Variants in FBN2 observed in about 807,000 individuals in gnomAD.
The protein encoded by FBN2 is fibrillin 2.
In FBN2, 105 loss-of-function variants were observed where a neutral mutation model predicts 355.6. That is an observed-to-expected ratio of 0.30 (90% CI 0.25 to 0.35). The LOEUF (loss-of-function observed/expected upper bound fraction) is 0.35, where lower values mean the gene tolerates loss of function less well. Ranked by LOEUF, FBN2 falls within the 10% of genes least tolerant of loss-of-function variation. The pLI, the probability that FBN2 is intolerant of heterozygous loss-of-function variation, is 1.00. For missense variants in FBN2, 3,280 were observed against 3,758.7 expected (o/e 0.87, Z 3.33); for synonymous variants, 1,350 against 1,301.2 (o/e 1.04, Z -0.81).
intron 7 of FBN2, among the ~76,000 whole-genome samples, chr5:128,413,839 A>C (rs558080602): frequency 6.6e-6 from 1 of 152,178 alleles, no homozygotes; most frequent in Non-Finnish European, 1.5e-5. Context: ...AGAACTATAC[A>C]TATTTGGAAT....
intron 7 of FBN2, among the ~76,000 whole-genome samples, chr5:128,420,253 A>C (rs1277400784): frequency 6.6e-6 from 1 of 152,194 alleles, no homozygotes; most frequent in Non-Finnish European, 1.5e-5. Flanking sequence ...ATTTAATATG[A>C]ACCATTAGCC....
At chr5:128,277,192 GA>G (rs1346707382) in intron 58 of FBN2, among the ~76,000 whole-genome samples, 1 of 151,882 alleles carries the variant, frequency 6.6e-6, no homozygotes, top group African/African-American at 2.4e-5. Flanking sequence ...ATATAAAGGA[GA>G]AAAAAAATTT....
intron 41 of FBN2, among the ~76,000 whole-genome samples, chr5:128,307,671 T>A (rs1252214791): frequency 2.7e-5 from 4 of 149,350 alleles, no homozygotes; most frequent in African/African-American, 1.0e-4. Flanking sequence ...GCGAATTTTG[T>A]CTTTTTTTTT....
intron 7 of FBN2, among the ~76,000 whole-genome samples, chr5:128,445,654 T>C (rs1754044310): frequency 6.6e-6 from 1 of 152,198 alleles, no homozygotes; most frequent in Admixed American, 6.5e-5. Context: ...TATACTCTAT[T>C]GCCTTTAGAA....
At chr5:128,468,025 A>T (rs1199919857) in intron 5 of FBN2, among the ~76,000 whole-genome samples, 3 of 152,136 alleles carry the variant, frequency 2.0e-5, no homozygotes, top group Non-Finnish European at 4.4e-5. Flanking sequence ...GTTTTTAGTA[A>T]ATTTATTGAA....
rs1177471664 is a variant in FBN2, at chr5:128,280,137, C to T, written c.7138+55G>A. The T allele has an allele frequency of 1.0e-5, 15 of 1,462,178 alleles. No homozygotes were observed. The East Asian group carries it at 1.6e-4, about 16-fold the overall frequency. 90.6% of individuals were successfully genotyped at this position (1,462,178 alleles called of 1,614,324 possible). A position where few individuals can be genotyped will look rare whatever the true frequency, so the allele number is the denominator to read the frequency against. ...TATATGTGGAGCTCTTCTGTGATGACATCATGAACAGATGTTTTATCTACC... is the reference window on the plus strand; with the variant it reads ...TATATGTGGAGCTCTTCTGTGATGATATCATGAACAGATGTTTTATCTACC... On this transcript the variant is annotated intron_variant, in intron 56 of 64. Transcript: ENST00000262464.
At chr5:128,319,366 CTAAT>C (rs778577335) in intron 34 of FBN2, among the ~76,000 whole-genome samples, 28 of 151,770 alleles carry the variant, frequency 1.8e-4, no homozygotes, top group East Asian at 9.7e-4. Flanking sequence ...AAGATTCTAA[CTAAT>C]TAGTGCAAAC....
At chr5:128,259,942 T>G in intron 64 of FBN2, 113 bp from the exon 65 acceptor site, 1 of 1,057,100 alleles carries the variant, frequency 9.5e-7, no homozygotes, top group Non-Finnish European at 1.4e-6. Context: ...GGCTTCCCAC[T>G]CCCGCTTTCT....
chr5:128,431,837 C>T (rs1028732720), intron 7 of FBN2, among the ~76,000 whole-genome samples: 3 of 152,166 alleles, frequency 2.0e-5, no homozygotes, highest in Non-Finnish European at 4.4e-5. Flanking sequence ...CATGGATATG[C>T]TGGACAGATG....
chr5:128,372,798 T>C (rs1048891558), intron 15 of FBN2, among the ~76,000 whole-genome samples: 2 of 152,124 alleles, frequency 1.3e-5, no homozygotes, highest in African/African-American at 4.8e-5. Flanking sequence ...GGCTAATTTT[T>C]GTACTTTTTG....
chr5:128,452,654 G>A (rs561583513), intron 6 of FBN2, among the ~76,000 whole-genome samples: 47 of 152,146 alleles, frequency 3.1e-4, no homozygotes, highest in Middle Eastern at 3.4e-3. Flanking sequence ...ATTTCATAGC[G>A]TGTTTTTTAA....
chr5:128,472,715 C>T (rs932638912), intron 5 of FBN2, among the ~76,000 whole-genome samples: 2 of 151,410 alleles, frequency 1.3e-5, no homozygotes, highest in Non-Finnish European at 2.9e-5. Flanking sequence ...CGCTAGAACC[C>T]GGGAGGGGGA....
Position 128,304,938 on chromosome 5 carries a change from A to G in FBN2, c.5800+19T>C, listed in dbSNP as rs1027122765. The G allele has an allele frequency of 1.9e-6, 3 of 1,613,886 alleles. No individual in the cohort carries two copies. The highest frequency in any genetic ancestry group is 2.5e-6 in the Non-Finnish European group (3 of 1,179,864). On this transcript the variant is annotated intron_variant, in intron 45 of 64. Transcript: ENST00000262464. Reference sequence around the variant, plus strand: ...ACCCCAGCCCCACTTCACTCCCTGGAGCCACATGCCCTTCTTACCCATGCA... The same window carrying G: ...ACCCCAGCCCCACTTCACTCCCTGGGGCCACATGCCCTTCTTACCCATGCA...
At chr5:128,533,286 A>G (rs1232609520) in intron 2 of FBN2, among the ~76,000 whole-genome samples, 5 of 152,028 alleles carry the variant, frequency 3.3e-5, no homozygotes, top group Non-Finnish European at 7.4e-5. Flanking sequence ...AAGTACCTCC[A>G]CCCGGGTTCC....
At chr5:128,467,082 A>G (rs1328071184) in intron 5 of FBN2, among the ~76,000 whole-genome samples, 1 of 152,162 alleles carries the variant, frequency 6.6e-6, no homozygotes, top group Non-Finnish European at 1.5e-5. Context: ...TGAAATCTGC[A>G]CAGTCTCCCT....
At chr5:128,275,939 G>T in intron 59 of FBN2, 99 bp downstream of exon 59, 1 of 1,336,950 alleles carries the variant, frequency 7.5e-7, no homozygotes, top group Non-Finnish European at 1.1e-6. Flanking sequence ...ACCTTTTAAT[G>T]AAGGTGATGC....
At chr5:128,385,193 C>T (rs200944452) in intron 11 of FBN2, among the ~76,000 whole-genome samples, 3 of 152,048 alleles carry the variant, frequency 2.0e-5, no homozygotes, top group Admixed American at 6.6e-5. Flanking sequence ...GGTAGCTTTT[C>T]GATCCTCACC....
intron 30 of FBN2, 69 bp from the exon 31 acceptor site, chr5:128,334,913 GA>G: frequency 7.3e-7 from 1 of 1,369,470 alleles, no homozygotes; most frequent in Non-Finnish European, 1.0e-6. Flanking sequence ...CTTCTACACT[GA>G]ATAGCATAAT....
chr5:128,439,979 T>C (rs1753873492), intron 7 of FBN2, among the ~76,000 whole-genome samples: 1 of 152,204 alleles, frequency 6.6e-6, no homozygotes, highest in Non-Finnish European at 1.5e-5. Context: ...TTTCAAATAA[T>C]ACCCTGTCAT....
Sources: gnomAD v4.1 joint callset for allele counts (sites outside exome capture counted in the v4.1 genomes callset) on GRCh38, gnomAD v4.1.1 for gene constraint, MANE v1.5 for transcripts, NCBI Gene and HGNC (gene_info 2026-07-23, HGNC 2026-07-21) for gene names.